Variants in TMEM154 observed in about 807,000 individuals in gnomAD.
TMEM154 encodes the protein transmembrane protein 154.
In TMEM154, 27 loss-of-function variants were observed where a neutral mutation model predicts 24.5. The observed-to-expected ratio is 1.10, with a 90% CI of 0.81 to 1.52. TMEM154 has a LOEUF of 1.52. Among genes scored for constraint, TMEM154 ranks in the 40% most tolerant of loss-of-function variants. The probability of loss-of-function intolerance (pLI) is 0.00; values close to 1 mark genes in which losing one functional copy is unlikely to be tolerated. For missense variants in TMEM154, 228 were observed against 213.4 expected, an observed-to-expected ratio of 1.07 and a Z score of -0.43; for synonymous variants, 67 against 76.8, an observed-to-expected ratio of 0.87 and a Z score of 0.67.
At chr4:152,640,876 TC>T (rs1017957568) in intron 6 of TMEM154, 51 bp downstream of exon 6, 32 of 1,113,252 alleles carry the variant, frequency 2.9e-5, no homozygotes, top group African/African-American at 4.8e-5. Context: ...TGGTTCCCAA[TC>T]CCCCCGCCCC....
intron 4 of TMEM154, among the ~76,000 whole-genome samples, chr4:152,643,699 G>A (rs1187435221): frequency 2.0e-5 from 3 of 152,358 alleles, no homozygotes; most frequent in South Asian, 4.1e-4. Flanking sequence ...ACTTGCAGAA[G>A]CTCAAAGTGC....
chr4:152,647,155 C>A (rs1233673383), intron 3 of TMEM154: 2 of 980,246 alleles, frequency 2.0e-6, no homozygotes, highest in African/African-American at 3.5e-5. Context: ...GACTTATTTC[C>A]TAGTATAGTA....
Position 152,628,302 on chromosome 4 carries a change from C to T in TMEM154, c.*244G>A, listed in dbSNP as rs1751953242. The T allele has an allele frequency of 6.3e-6, 4 of 638,574 alleles. No individual in the cohort carries two copies. Among genetic ancestry groups the T allele is most frequent in the South Asian group, 5.9e-5 (3 of 50,512 alleles). 39.6% of individuals were successfully genotyped at this position (638,574 alleles called of 1,614,324 possible). On this transcript the variant is annotated 3_prime_UTR_variant, in exon 7 of 7. Coordinates refer to ENST00000304385, the MANE Select transcript of TMEM154 (RefSeq NM_152680.3). ...TGAGCACATCACCCGCCTCCTTCTC[C>T]ACCCTCAGAGGCAGCGATGGATGGC...
chr4:152,656,279 G>A (rs1728490373), intron 1 of TMEM154, among the ~76,000 whole-genome samples: 1 of 152,092 alleles, frequency 6.6e-6, no homozygotes, highest in Non-Finnish European at 1.5e-5. Flanking sequence ...CAAGACACCT[G>A]GAAGCCCAAA....
intron 1 of TMEM154, among the ~76,000 whole-genome samples, chr4:152,662,064 T>C (rs1728623758): frequency 6.6e-6 from 1 of 152,244 alleles, no homozygotes; most frequent in Admixed American, 6.5e-5. Flanking sequence ...GAATGTATTA[T>C]AATCTTTTCC....
At chr4:152,633,703 G>A (rs1268951223) in intron 6 of TMEM154, among the ~76,000 whole-genome samples, 1 of 152,084 alleles carries the variant, frequency 6.6e-6, no homozygotes, top group African/African-American at 2.4e-5. Flanking sequence ...GGTGGCAAAT[G>A]CCTGTAATCC....
At chr4:152,675,235 A>G (rs888317028) in intron 1 of TMEM154, among the ~76,000 whole-genome samples, 8 of 152,024 alleles carry the variant, frequency 5.3e-5, no homozygotes, top group Admixed American at 3.9e-4. Flanking sequence ...AACTTTAGCT[A>G]AAAGTTACCA....
chr4:152,653,829 A>AT (rs1728438689), intron 1 of TMEM154, among the ~76,000 whole-genome samples: 2 of 151,564 alleles, frequency 1.3e-5, no homozygotes, highest in South Asian at 4.2e-4. Flanking sequence ...ACCTGAGGTC[A>AT]GGAGTTCGAG....
chr4:152,662,754 G>C (rs898002313), intron 1 of TMEM154, among the ~76,000 whole-genome samples: 3 of 152,182 alleles, frequency 2.0e-5, no homozygotes, highest in Non-Finnish European at 4.4e-5. Flanking sequence ...CCTGCGGGCG[G>C]CATCCTGGGC....
rs1287401754 is a variant in TMEM154, at chr4:152,625,168, A to G, written c.*3378T>C. On this transcript the variant is annotated 3_prime_UTR_variant, in exon 7 of 7. Coordinates refer to ENST00000304385, the MANE Select transcript of TMEM154 (RefSeq NM_152680.3). ...GAATAGACAAGTATTTTCTTAACAT[A>G]TCCATTTCCATTGCTAGAGCTGCGG... The G allele has an allele frequency of 6.6e-6, 1 of 152,190 alleles. No homozygotes were observed. Among genetic ancestry groups the G allele is most frequent in the Non-Finnish European group, 1.5e-5 (1 of 68,022 alleles). 9.4% of individuals were successfully genotyped at this position (152,190 alleles called of 1,614,324 possible). A position where few individuals can be genotyped will look rare whatever the true frequency, so the allele number is the denominator to read the frequency against.
intron 5 of TMEM154, among the ~76,000 whole-genome samples, chr4:152,642,784 T>G (rs762975159): frequency 1.3e-5 from 2 of 152,128 alleles, no homozygotes; most frequent in East Asian, 3.9e-4. Context: ...ATGTATAAGG[T>G]AATGCCAGAT....
At chr4:152,668,487 G>A (rs541328402) in intron 1 of TMEM154, 1 of 152,120 alleles carries the variant, frequency 6.6e-6, no homozygotes, top group East Asian at 1.9e-4. Context: ...CCGTCTCCCT[G>A]GCCTCTGAGG....
At chr4:152,637,706 A>G (rs1050910991) in intron 6 of TMEM154, among the ~76,000 whole-genome samples, 3 of 152,226 alleles carry the variant, frequency 2.0e-5, no homozygotes, top group Non-Finnish European at 2.9e-5. Context: ...CTAAAGAACA[A>G]ACAAGCATTC....
intron 1 of TMEM154, among the ~76,000 whole-genome samples, chr4:152,663,196 C>G (rs534622908): frequency 8.3e-4 from 127 of 152,332 alleles, no homozygotes; most frequent in African/African-American, 2.8e-3. Context: ...ATCACCTGTT[C>G]TCTTTCCCCC....
chr4:152,671,804 T>TCTGAA (rs1319207396), intron 1 of TMEM154, among the ~76,000 whole-genome samples: 2 of 135,980 alleles, frequency 1.5e-5, no homozygotes, highest in African/African-American at 5.6e-5. Context: ...CCCACAGGAG[T>TCTGAA]CTGAACTGGC....
chr4:152,647,302 G>T, intron 3 of TMEM154: 1 of 985,298 alleles, frequency 1.0e-6, no homozygotes, highest in Non-Finnish European at 1.2e-6. Context: ...ACGCTGGTAT[G>T]ACCTTCCATG....
intron 1 of TMEM154, among the ~76,000 whole-genome samples, chr4:152,658,038 A>C (rs776054766): frequency 3.0e-4 from 46 of 152,338 alleles, no homozygotes; most frequent in Admixed American, 1.9e-3. Flanking sequence ...ATGTTAGAAC[A>C]CAAAACAAGC....
intron 4 of TMEM154, among the ~76,000 whole-genome samples, chr4:152,643,722 C>T (rs1752301056): frequency 6.6e-6 from 1 of 152,166 alleles, no homozygotes; most frequent in Admixed American, 6.5e-5. Flanking sequence ...AGTCAGGGGA[C>T]AGAGTCCGTG....
At chr4:152,662,919 A>C (rs1007771355) in intron 1 of TMEM154, among the ~76,000 whole-genome samples, 6 of 152,158 alleles carry the variant, frequency 3.9e-5, no homozygotes, top group African/African-American at 1.4e-4. Flanking sequence ...GGACATAACC[A>C]TAGCATCGTG....
Sources: allele counts gnomAD v4.1 joint callset (sites outside exome capture counted in the v4.1 genomes callset), GRCh38; gene constraint gnomAD v4.1.1; transcripts MANE v1.5; gene names NCBI Gene and HGNC (gene_info 2026-07-23, HGNC 2026-07-21).